Variants in NEK5 observed in about 807,000 individuals in gnomAD.
NEK5 encodes the protein serine/threonine-protein kinase Nek5.
Under a neutral mutation model 109.2 loss-of-function variants are expected in NEK5, and 88 were observed. The ratio of observed to expected loss-of-function variants is 0.81; its 90% CI spans 0.68 to 0.96. The LOEUF is 0.96. NEK5 is among the 40% of genes least tolerant of loss of function. NEK5 has a pLI of 0.00. For missense variants in NEK5, 834 were observed against 920.7 expected (o/e 0.91, Z 1.22); for synonymous variants, 283 against 299.9 (o/e 0.94, Z 0.58).
chr13:52,097,452 C>T (rs1311525925), intron 12 of NEK5, among the ~76,000 whole-genome samples: 2 of 152,244 alleles, frequency 1.3e-5, no homozygotes, highest in African/African-American at 4.8e-5. Context: ...CCACTCCTCA[C>T]ACCAGTATGC....
intron 19 of NEK5, among the ~76,000 whole-genome samples, chr13:52,073,361 G>T (rs1332799586): frequency 2.7e-5 from 4 of 150,892 alleles, no homozygotes; most frequent in Non-Finnish European, 4.4e-5. Context: ...TGTTGCCCAG[G>T]CTCGAGTGCA....
chr13:52,063,764 C>T (rs1172555398), intron 21 of NEK5, among the ~76,000 whole-genome samples: 6 of 150,596 alleles, frequency 4.0e-5, no homozygotes, highest in Admixed American at 3.3e-4. Context: ...GCCCGGCCAC[C>T]CCATCTGAGA....
At chr13:52,052,573 T>C (rs1954516922) in intron 22 of NEK5, among the ~76,000 whole-genome samples, 1 of 152,180 alleles carries the variant, frequency 6.6e-6, no homozygotes, top group African/African-American at 2.4e-5. Context: ...GGATTCAATA[T>C]AGAAGTGAGA....
chr13:52,065,749 A>G, intron 20 of NEK5, 140 bp from the exon 21 acceptor site: 1 of 620,646 alleles, frequency 1.6e-6, no homozygotes, highest in Non-Finnish European at 2.9e-6. Context: ...GTTCTAACAG[A>G]TATAAGACTG....
chr13:52,074,301 A>G (rs12864420), intron 19 of NEK5, among the ~76,000 whole-genome samples: 4 of 152,202 alleles, frequency 2.6e-5, no homozygotes, highest in Admixed American at 2.6e-4. Flanking sequence ...ACCAAGGAAC[A>G]GAATAGAGAA....
intron 22 of NEK5, among the ~76,000 whole-genome samples, chr13:52,060,812 C>T (rs1218396217): frequency 6.6e-6 from 1 of 152,164 alleles, no homozygotes; most frequent in Non-Finnish European, 1.5e-5. Context: ...GCACTTCACA[C>T]TTGAATATCT....
intron 14 of NEK5, among the ~76,000 whole-genome samples, chr13:52,087,705 A>G (rs1955180494): frequency 1.3e-5 from 2 of 151,936 alleles, no homozygotes; most frequent in Admixed American, 6.6e-5. Context: ...GGCTCACTGC[A>G]GCCTCCAACT....
In NEK5 at chr13:52,035,727, C is replaced by CT. The variant is rs1219534767; in HGVS notation, c.*1220dup. ...ACCAGATATAGTCCCTGCCCTCAAC[C>CT]TATACACTTGAAACTATTGGAAACT... is the stretch of plus-strand genomic sequence containing the variant. On this transcript the variant is annotated 3_prime_UTR_variant, in exon 24 of 24. Transcript: ENST00000684899. 6.6e-6 allele frequency: 1 copy of CT among 152,186 alleles called. No homozygotes were observed. The highest frequency in any genetic ancestry group is 1.5e-5 in the Non-Finnish European group (1 of 68,028). The allele number at this position is 152,186 out of a possible 1,614,324, so 9.4% of individuals were successfully genotyped here.
At chr13:52,051,130 C>T (rs1236668712) in intron 22 of NEK5, among the ~76,000 whole-genome samples, 3 of 150,302 alleles carry the variant, frequency 2.0e-5, no homozygotes, top group African/African-American at 4.9e-5. Context: ...AGGCTATAAA[C>T]GTTTTTTAAA....
intron 17 of NEK5, chr13:52,082,393 C>G (rs574227293): frequency 1.7e-5 from 20 of 1,148,376 alleles, no homozygotes; most frequent in East Asian, 1.6e-4. Flanking sequence ...TAAAAGCACA[C>G]TTGGGCTTCT....
At chr13:52,060,290 C>A (rs757214176) in intron 22 of NEK5, among the ~76,000 whole-genome samples, 7 of 152,182 alleles carry the variant, frequency 4.6e-5, no homozygotes, top group Non-Finnish European at 8.8e-5. Flanking sequence ...TATTCATTAA[C>A]TGTTGGGACT....
chr13:52,056,706 A>G (rs1386024691), intron 22 of NEK5, among the ~76,000 whole-genome samples: 1 of 151,886 alleles, frequency 6.6e-6, no homozygotes, highest in Non-Finnish European at 1.5e-5. Context: ...TAGTGGGTAC[A>G]TAACGATATG....
Position 52,036,868 on chromosome 13 carries a change from A to G in NEK5, c.*80T>C. On this transcript the variant is annotated 3_prime_UTR_variant, in exon 24 of 24. Transcript: ENST00000684899. ...AGATTACTAGAAAACCCTTACAGTA[A>G]ATGAGCATTTATGACTTGTACCCAA... The G allele has an allele frequency of 1.5e-6, 1 of 651,112 alleles. No homozygotes were observed. Among genetic ancestry groups the G allele is most frequent in the Non-Finnish European group, 1.9e-6 (1 of 524,512 alleles). 40.3% of individuals were successfully genotyped at this position (651,112 alleles called of 1,614,324 possible).
chr13:52,081,041 A>C (rs888168027), intron 17 of NEK5, among the ~76,000 whole-genome samples: 2 of 151,946 alleles, frequency 1.3e-5, no homozygotes, highest in African/African-American at 4.8e-5. Flanking sequence ...TGTTTGGGGG[A>C]AATGTGAGCA....
At chr13:52,050,744 G>C (rs1313879689) in intron 22 of NEK5, among the ~76,000 whole-genome samples, 3 of 136,668 alleles carry the variant, frequency 2.2e-5, no homozygotes. Flanking sequence ...TTTTGAGACA[G>C]AGTCTGGCTT....
chr13:52,044,871 C>G (rs1012346307), intron 23 of NEK5, among the ~76,000 whole-genome samples: 1 of 152,098 alleles, frequency 6.6e-6, no homozygotes, highest in Non-Finnish European at 1.5e-5. Context: ...ATTCTGCTGG[C>G]AAGGAGGCTA....
In NEK5 at chr13:52,122,308, A is replaced by G. The variant is rs143964433; in HGVS notation, c.118-2893T>C. On this transcript the variant is annotated intron_variant, in intron 3 of 23. Coordinates refer to ENST00000684899, the MANE Select transcript of NEK5 (RefSeq NM_001365552.1). ...TAAATTGAGTTGATATACATAATAA[A>G]ACACCCAGGATGGTGTGACATATAA... is the stretch of plus-strand genomic sequence containing the variant. Among the ~76,000 whole-genome samples, 860 of 152,258 alleles carry G rather than the reference A, an allele frequency of 5.6e-3. 9 individuals carry two copies. Among genetic ancestry groups the G allele is most frequent in the African/African-American group, 0.02 (816 of 41,550 alleles).
intron 22 of NEK5, among the ~76,000 whole-genome samples, chr13:52,060,561 G>A (rs1475589374): frequency 1.3e-5 from 2 of 152,110 alleles, no homozygotes; most frequent in Admixed American, 6.5e-5. Context: ...GGCCAGGCTG[G>A]TCTCGAACTC....
chr13:52,051,299 C>T (rs951987461), intron 22 of NEK5, among the ~76,000 whole-genome samples: 4 of 152,018 alleles, frequency 2.6e-5, no homozygotes, highest in Non-Finnish European at 5.9e-5. Flanking sequence ...TCCTATATGA[C>T]TTGTTCTTCT....
Sources: gnomAD v4.1 joint callset for allele counts (sites outside exome capture counted in the v4.1 genomes callset) on GRCh38, gnomAD v4.1.1 for gene constraint, MANE v1.5 for transcripts, NCBI Gene and HGNC (gene_info 2026-07-23, HGNC 2026-07-21) for gene names.